SYT16: variants seen among roughly 807,000 people sequenced by gnomAD.
The protein encoded by SYT16 is synaptotagmin-16.
Under a neutral mutation model 61.4 loss-of-function variants are expected in SYT16, and 42 were observed. That is an observed-to-expected ratio of 0.68 (90% confidence interval 0.53 to 0.89). The LOEUF is 0.89. Ranked by LOEUF, SYT16 falls within the 40% of genes least tolerant of loss-of-function variation. The pLI, the probability that SYT16 is intolerant of heterozygous loss-of-function variation, is 0.00. For missense variants in SYT16, 804 were observed against 807.3 expected (o/e 1.00, Z 0.05); for synonymous variants, 314 against 302.3 (o/e 1.04, Z -0.40).
chr14:61,966,094 A>G (rs763484865), intron 1 of SYT16, among the ~76,000 whole-genome samples: 6 of 152,182 alleles, frequency 3.9e-5, no homozygotes, highest in Non-Finnish European at 7.3e-5. Context: ...ACTTACTTAA[A>G]AATGTTATAC....
At chr14:62,054,865 G>A (rs965492421) in intron 3 of SYT16, among the ~76,000 whole-genome samples, 1 of 152,144 alleles carries the variant, frequency 6.6e-6, no homozygotes, top group Non-Finnish European at 1.5e-5. Flanking sequence ...AGGAAGACTA[G>A]TGAATAAACT....
intron 3 of SYT16, among the ~76,000 whole-genome samples, chr14:62,064,334 GAAAAAAAAAAA>G (rs781727444): frequency 1.4e-4 from 6 of 42,996 alleles, no homozygotes; most frequent in Middle Eastern, 0.02. Context: ...CTTTAAATTT[GAAAAAAAAAAA>G]AAAAAAAAAA....
intron 1 of SYT16, among the ~76,000 whole-genome samples, chr14:61,906,489 A>G (rs750316697): frequency 3.9e-5 from 6 of 152,122 alleles, no homozygotes; most frequent in Non-Finnish European, 5.9e-5. Flanking sequence ...TTAGCATTTC[A>G]GATTCTTTTC....
intron 2 of SYT16, among the ~76,000 whole-genome samples, chr14:61,992,784 A>T (rs1236942827): frequency 6.6e-6 from 1 of 152,128 alleles, no homozygotes; most frequent in Non-Finnish European, 1.5e-5. Context: ...GATTGTAAAC[A>T]ACAGGGAGAG....
chr14:61,852,567 A>T (rs1428362048), intron 1 of SYT16, among the ~76,000 whole-genome samples: 1 of 152,080 alleles, frequency 6.6e-6, no homozygotes, highest in East Asian at 1.9e-4. Context: ...ATGTTTCTCT[A>T]TTTATTTGTG....
intron 1 of SYT16, among the ~76,000 whole-genome samples, chr14:61,816,074 T>C (rs568494234): frequency 9.8e-4 from 149 of 152,346 alleles, no homozygotes; most frequent in Middle Eastern, 3.4e-3. Context: ...TTTGGTATTG[T>C]AAAAGGAGAC....
chr14:62,056,505 C>T (rs898228250), intron 3 of SYT16, among the ~76,000 whole-genome samples: 15 of 152,168 alleles, frequency 9.9e-5, no homozygotes, highest in African/African-American at 2.7e-4. Context: ...ACTCCGTTTC[C>T]GGATGAATCC....
At chr14:62,010,329 A>G (rs2053394766) in intron 3 of SYT16, among the ~76,000 whole-genome samples, 1 of 152,212 alleles carries the variant, frequency 6.6e-6, no homozygotes, top group African/African-American at 2.4e-5. Context: ...AATTAATTAG[A>G]TGAATGCTAC....
chr14:61,983,105 C>T lies in SYT16; in HGVS notation c.-144-12771C>T, dbSNP rs570690314. On this transcript the variant is annotated intron_variant, in intron 2 of 7. Transcript: ENST00000683842. ...GAACAGAATGAATTAGTAGAGGTGA[C>T]TGTTTCTGCATTGAAGTGGGTGTCT... is the stretch of plus-strand genomic sequence containing the variant. Among the ~76,000 whole-genome samples, 5 of 152,284 alleles carry T rather than the reference C, an allele frequency of 3.3e-5. No individual in the cohort carries two copies. The East Asian group carries it at 9.6e-4, about 29-fold the overall frequency.
At chr14:61,995,840 T>C in intron 2 of SYT16, 36 bp from the exon 3 acceptor site, 1 of 601,146 alleles carries the variant, frequency 1.7e-6, no homozygotes. Context: ...AGGTTGTAAC[T>C]TTAACAGGTG....
chr14:62,092,918 A>G (rs147086018), intron 7 of SYT16, among the ~76,000 whole-genome samples: 16 of 152,258 alleles, frequency 1.1e-4, no homozygotes, highest in Non-Finnish European at 1.9e-4. Context: ...AAAATTGAAA[A>G]AAATACACTG....
intron 1 of SYT16, chr14:61,864,787 C>A: frequency 1.1e-6 from 1 of 936,464 alleles, no homozygotes; most frequent in Non-Finnish European, 1.7e-6. Flanking sequence ...GCCCTAGTGT[C>A]TGCCAGCGCC....
intron 2 of SYT16, among the ~76,000 whole-genome samples, chr14:61,973,378 G>A (rs1267067831): frequency 6.6e-6 from 1 of 151,924 alleles, no homozygotes; most frequent in Non-Finnish European, 1.5e-5. Context: ...TGTTTATTTA[G>A]CAATTAGTAT....
At chr14:61,983,560 A>G (rs932147176) in intron 2 of SYT16, among the ~76,000 whole-genome samples, 2 of 152,064 alleles carry the variant, frequency 1.3e-5, no homozygotes, top group African/African-American at 2.4e-5. Flanking sequence ...GGATCTTTCT[A>G]TATCATCCAG....
intron 3 of SYT16, among the ~76,000 whole-genome samples, chr14:62,026,703 C>T (rs1444781321): frequency 1.3e-5 from 2 of 152,194 alleles, no homozygotes; most frequent in Non-Finnish European, 2.9e-5. Context: ...TTGGTTACTA[C>T]TGTAACATCA....
intron 1 of SYT16, among the ~76,000 whole-genome samples, chr14:61,880,841 G>A (rs1341319824): frequency 6.6e-6 from 1 of 151,866 alleles, no homozygotes; most frequent in East Asian, 1.9e-4. Context: ...AATTTGTCAG[G>A]GTTTTCTTTA....
intron 6 of SYT16, 150 bp from the exon 7 acceptor site, chr14:62,084,046 C>G (rs994531969): frequency 6.2e-6 from 5 of 800,776 alleles, no homozygotes; most frequent in Non-Finnish European, 9.6e-6. Context: ...GCTCCCTGGG[C>G]CCATTGTAAT....
intron 1 of SYT16, among the ~76,000 whole-genome samples, chr14:61,931,116 A>C (rs778112955): frequency 3.9e-5 from 6 of 152,180 alleles, no homozygotes; most frequent in Non-Finnish European, 7.3e-5. Flanking sequence ...TGCAGATCTC[A>C]TATTACTTTC....
chr14:61,982,695 A>G (rs1179348519), intron 2 of SYT16, among the ~76,000 whole-genome samples: 4 of 152,192 alleles, frequency 2.6e-5, no homozygotes, highest in Non-Finnish European at 5.9e-5. Flanking sequence ...TGGAGACAGT[A>G]AAACTATCTC....
Sources: allele counts gnomAD v4.1 joint callset (sites outside exome capture counted in the v4.1 genomes callset), GRCh38; gene constraint gnomAD v4.1.1; transcripts MANE v1.5; gene names NCBI Gene and HGNC (gene_info 2026-07-23, HGNC 2026-07-21).